Variants in AGTPBP1 observed in about 807,000 individuals in gnomAD.
AGTPBP1 encodes cytosolic carboxypeptidase 1.
A neutral mutation model predicts 143.9 loss-of-function variants in AGTPBP1; 70 were observed. The ratio of observed to expected loss-of-function variants is 0.49; its 90% confidence interval spans 0.40 to 0.59. The LOEUF (loss-of-function observed/expected upper bound fraction) is 0.59. AGTPBP1 is among the 20% of genes least tolerant of loss of function. The probability of loss-of-function intolerance (pLI) is 0.00; values close to 1 mark genes in which losing one functional copy is unlikely to be tolerated. For synonymous variants in AGTPBP1, 463 were observed against 500.2 expected (o/e 0.93, Z 0.99); for missense variants, 1,229 against 1,464.5 (o/e 0.84, Z 2.62).
intron 2 of AGTPBP1, among the ~76,000 whole-genome samples, chr9:85,693,490 T>A (rs184195107): frequency 1.3e-5 from 2 of 152,026 alleles, no homozygotes; most frequent in East Asian, 3.9e-4. Flanking sequence ...CCCAGCTACT[T>A]GGGAGGCTGA....
At position 85,586,849 on chromosome 9, in the gene AGTPBP1, T is replaced by G; in HGVS notation, c.3015A>C (p.Ala1005=). The change falls in exon 22 of 26, where the codon GCA becomes GCC. Residue 1005 remains alanine (A), a synonymous_variant. Transcript: ENST00000357081. ...TACTTACCAAGGGTAAACGCTTCACTGCAGCCAAGTATTGCAACAGCCCCT... is the reference window on the plus strand; with the variant it reads ...TACTTACCAAGGGTAAACGCTTCACGGCAGCCAAGTATTGCAACAGCCCCT... ...HAKGLLQYLA[A]VKRLPLVYCD... 5 of 1,613,886 alleles carry G rather than the reference T, an allele frequency of 3.1e-6. No homozygotes were observed. The highest frequency in any genetic ancestry group is 2.2e-5 in the East Asian group (1 of 44,842).
intron 2 of AGTPBP1, among the ~76,000 whole-genome samples, chr9:85,695,102 AT>A (rs901131982): frequency 3.3e-5 from 5 of 151,934 alleles, no homozygotes; most frequent in East Asian, 1.9e-4. Flanking sequence ...CCACACAGTA[AT>A]TTTTTTTAAC....
At chr9:85,613,422 A>G (rs1830433815) in intron 17 of AGTPBP1, among the ~76,000 whole-genome samples, 1 of 152,056 alleles carries the variant, frequency 6.6e-6, no homozygotes, top group Non-Finnish European at 1.5e-5. Context: ...AGTACCAAAA[A>G]ATTGGAAAAA....
intron 2 of AGTPBP1, among the ~76,000 whole-genome samples, chr9:85,706,517 A>AG (rs1837011273): frequency 6.6e-6 from 1 of 151,186 alleles, no homozygotes; most frequent in Admixed American, 6.6e-5. Flanking sequence ...CTCAAAAAAA[A>AG]AAAAAAAAAG....
chr9:85,667,949 A>G (rs1834229002), intron 8 of AGTPBP1, among the ~76,000 whole-genome samples: 1 of 151,500 alleles, frequency 6.6e-6, no homozygotes, highest in Non-Finnish European at 1.5e-5. Context: ...AATATCAGAT[A>G]TTAAGAAATT....
intron 1 of AGTPBP1, among the ~76,000 whole-genome samples, chr9:85,736,785 G>A (rs10868343): frequency 0.28 from 41,867 of 152,090 alleles, 8,445 homozygotes; most frequent in East Asian, 0.77. Context: ...CTTGGACTGA[G>A]TTAAAGTCAC....
At chr9:85,771,652 CTT>C in the AGTPBP1 span, among the ~76,000 whole-genome samples, 39 of 136,098 alleles carry the variant, frequency 2.9e-4, no homozygotes, top group Admixed American at 5.2e-4. Flanking sequence ...ACATAGATAA[CTT>C]TTTTTTTTTT....
the AGTPBP1 span, chr9:85,786,476 G>A: frequency 2.3e-5 from 37 of 1,613,576 alleles, no homozygotes; most frequent in Middle Eastern, 1.6e-4. Flanking sequence ...TCAAATTTCC[G>A]CCTTGGAACT....
chr9:85,578,829 A>C, intron 24 of AGTPBP1, 91 bp downstream of exon 24: 1 of 1,275,284 alleles, frequency 7.8e-7, no homozygotes, highest in Non-Finnish European at 1.1e-6. Flanking sequence ...TAAAACAAAC[A>C]TCATTTAATA....
At chr9:85,615,899 C>T (rs72744900) in intron 17 of AGTPBP1, among the ~76,000 whole-genome samples, 29 of 151,864 alleles carry the variant, frequency 1.9e-4, no homozygotes, top group Non-Finnish European at 3.8e-4. Flanking sequence ...AACTGTCTTA[C>T]AAAGAAAGGT....
chr9:85,731,374 G>T (rs948613248), intron 1 of AGTPBP1, among the ~76,000 whole-genome samples: 17 of 152,104 alleles, frequency 1.1e-4, no homozygotes, highest in Non-Finnish European at 4.4e-5. Context: ...TTGCTGACAG[G>T]AATGTACAAT....
chr9:85,712,591 T>G, intron 1 of AGTPBP1, 25 bp from the exon 2 acceptor site: 1 of 1,199,254 alleles, frequency 8.3e-7, no homozygotes, highest in East Asian at 2.7e-5. Flanking sequence ...TTAATGATAT[T>G]AAAAACTTAT....
intron 13 of AGTPBP1, among the ~76,000 whole-genome samples, chr9:85,639,986 G>A (rs569108854): frequency 2.3e-4 from 35 of 152,196 alleles, no homozygotes; most frequent in African/African-American, 6.3e-4. Flanking sequence ...CAAAGCAGGC[G>A]GTGTTCAAGA....
chr9:85,781,094 T>C, the AGTPBP1 span: 2 of 1,363,328 alleles, frequency 1.5e-6, no homozygotes. Context: ...CACTCTAGCC[T>C]GGGCGACAGT....
chr9:85,605,271 T>TC (rs1829923397), intron 17 of AGTPBP1, among the ~76,000 whole-genome samples: 1 of 152,018 alleles, frequency 6.6e-6, no homozygotes, highest in South Asian at 2.1e-4. Flanking sequence ...GCAAAGGAAC[T>TC]CCAATATATC....
At chr9:85,616,558 A>G (rs1439285014) in intron 17 of AGTPBP1, among the ~76,000 whole-genome samples, 1 of 151,958 alleles carries the variant, frequency 6.6e-6, no homozygotes, top group Non-Finnish European at 1.5e-5. Context: ...ACTTCTGAAA[A>G]TTATATTGAC....
At chr9:85,753,810 A>G in the AGTPBP1 span, among the ~76,000 whole-genome samples, 3 of 152,020 alleles carry the variant, frequency 2.0e-5, no homozygotes, top group East Asian at 5.8e-4. Flanking sequence ...AGATAGATGT[A>G]AAAACTGTTG....
At chr9:85,743,035 A>C (rs1243573090), upstream of AGTPBP1, among the ~76,000 whole-genome samples, 2 of 152,228 alleles carry the variant, frequency 1.3e-5, no homozygotes, top group South Asian at 2.1e-4. Context: ...ATGAACAAGA[A>C]ACTGCCATTT....
intron 10 of AGTPBP1, 104 bp downstream of exon 10, chr9:85,657,331 T>C: frequency 9.9e-7 from 1 of 1,005,356 alleles, no homozygotes; most frequent in Non-Finnish European, 1.4e-6. Flanking sequence ...AATGCATTTA[T>C]CCTGTGTATA....
Sources: gnomAD v4.1 joint callset for allele counts (sites outside exome capture counted in the v4.1 genomes callset) on GRCh38, gnomAD v4.1.1 for gene constraint, MANE v1.5 for transcripts, NCBI Gene and HGNC (gene_info 2026-07-23, HGNC 2026-07-21) for gene names.